Variants in GOLM1 observed in about 807,000 individuals in gnomAD.
GOLM1 encodes the protein epididymis luminal protein 46.
In GOLM1, 31 loss-of-function variants were observed where a neutral mutation model predicts 50.5. The observed-to-expected ratio is 0.61, with a 90% CI of 0.46 to 0.83. The LOEUF (loss-of-function observed/expected upper bound fraction) is 0.83. GOLM1 is among the 40% of genes least tolerant of loss of function. GOLM1 has a pLI of 0.00. For synonymous variants in GOLM1, 178 were observed against 192.8 expected (o/e 0.92, Z 0.64); for missense variants, 491 against 501.3 (o/e 0.98, Z 0.20).
chr9:86,071,106 CGT>C (rs1834436030), intron 3 of GOLM1, among the ~76,000 whole-genome samples: 2 of 146,602 alleles, frequency 1.4e-5, no homozygotes, highest in African/African-American at 5.0e-5. Context: ...CACACACACA[CGT>C]ATATTTAGAA....
At chr9:86,043,847 ATT>A (rs1394118139) in intron 5 of GOLM1, among the ~76,000 whole-genome samples, 2 of 152,150 alleles carry the variant, frequency 1.3e-5, no homozygotes, top group Admixed American at 1.3e-4. Context: ...ATCCTGACTG[ATT>A]GCCAGCTAGG....
chr9:86,066,360 C>T (rs975749621), intron 3 of GOLM1, among the ~76,000 whole-genome samples: 2 of 152,202 alleles, frequency 1.3e-5, no homozygotes, highest in African/African-American at 4.8e-5. Flanking sequence ...ACAGGTCACA[C>T]AGGCAAGCAT....
Position 86,082,075 on chromosome 9 carries a change from C to A in GOLM1, c.-21-2734G>T, listed in dbSNP as rs1432682253. On this transcript the variant is annotated intron_variant, in intron 1 of 9. Coordinates refer to ENST00000388712, the MANE Select transcript of GOLM1 (RefSeq NM_016548.4). ...ATGGAGTCTCTCTCTGTTGCCCAGGCTGGAGTGCAGTGGCGTGATCTAGGT... is the reference window on the plus strand; with the variant it reads ...ATGGAGTCTCTCTCTGTTGCCCAGGATGGAGTGCAGTGGCGTGATCTAGGT... Among the ~76,000 whole-genome samples, 16 of 123,224 alleles carry A rather than the reference C, an allele frequency of 1.3e-4. No individual in the cohort carries two copies. In the Admixed American group the frequency reaches 1.4e-3, roughly 11 times the overall value. 80.8% of individuals were successfully genotyped at this position (123,224 alleles called of 152,430 possible).
chr9:86,027,856 A>AT lies in GOLM1; in HGVS notation c.1166dup (p.Asn389LysfsTer4). The AT allele has an allele frequency of 1.2e-6, 2 of 1,611,046 alleles. No homozygotes were observed. Among genetic ancestry groups the AT allele is most frequent in the Non-Finnish European group, 1.7e-6 (2 of 1,177,274 alleles). On this transcript the variant is annotated frameshift_variant, in exon 10 of 10. Transcript: ENST00000388712. LOFTEE classifies it high-confidence loss of function. ...TCCGCTTTTCACGCTGATCAAGTAA[A>AT]TTTATGGTGTCTCTTTTCTGATCTT...
chr9:86,058,604 G>A (rs558261803), intron 3 of GOLM1, among the ~76,000 whole-genome samples: 1 of 150,896 alleles, frequency 6.6e-6, no homozygotes. Flanking sequence ...GGTGAGGCAG[G>A]GGAATCATTT....
intron 5 of GOLM1, 123 bp from the exon 6 acceptor site, chr9:86,040,991 G>A (rs1833327075): frequency 1.2e-6 from 1 of 860,666 alleles, no homozygotes. Context: ...ATCTGAAGAG[G>A]GCACTTAAGA....
chr9:86,081,690 G>A (rs1834789467), intron 1 of GOLM1, among the ~76,000 whole-genome samples: 1 of 151,686 alleles, frequency 6.6e-6, no homozygotes, highest in African/African-American at 2.4e-5. Flanking sequence ...AGGAATTTGA[G>A]ACCAGCCTGG....
chr9:86,050,228 G>A (rs1404854913), intron 4 of GOLM1, among the ~76,000 whole-genome samples: 1 of 152,206 alleles, frequency 6.6e-6, no homozygotes, highest in Non-Finnish European at 1.5e-5. Flanking sequence ...ACTTGATTGT[G>A]TTGGATAAGC....
At chr9:86,095,782 C>T (rs1033256544) in intron 1 of GOLM1, among the ~76,000 whole-genome samples, 1 of 152,172 alleles carries the variant, frequency 6.6e-6, no homozygotes, top group African/African-American at 2.4e-5. Context: ...GGGATGGAGA[C>T]TGACCTGGCA....
chr9:86,063,732 A>ACAAAAGCCAACCACAACAG (rs1834226918), intron 3 of GOLM1, among the ~76,000 whole-genome samples: 2 of 152,230 alleles, frequency 1.3e-5, no homozygotes, highest in Admixed American at 1.3e-4. Flanking sequence ...AGAGAACAAG[A>ACAAAAGCCAACCACAACAG]CAAAAGCCAA....
intron 3 of GOLM1, among the ~76,000 whole-genome samples, chr9:86,069,482 C>G (rs574849912): frequency 6.6e-6 from 1 of 152,340 alleles, no homozygotes; most frequent in South Asian, 2.1e-4. Context: ...GCAGCTCAAT[C>G]CCCAAGAACT....
chr9:86,073,617 GA>G (rs1247801304), intron 3 of GOLM1, among the ~76,000 whole-genome samples: 1 of 152,106 alleles, frequency 6.6e-6, no homozygotes, highest in Non-Finnish European at 1.5e-5. Context: ...AGAGAAGGGG[GA>G]AAGGCACCAA....
intron 4 of GOLM1, among the ~76,000 whole-genome samples, chr9:86,047,456 A>G (rs1411655609): frequency 2.0e-5 from 3 of 152,172 alleles, no homozygotes; most frequent in Non-Finnish European, 2.9e-5. Flanking sequence ...TCATCCCAAA[A>G]GCACACACGT....
chr9:86,045,394 C>T (rs552449755), intron 5 of GOLM1, among the ~76,000 whole-genome samples: 11 of 150,814 alleles, frequency 7.3e-5, no homozygotes, highest in East Asian at 2.0e-4. Context: ...AGAATATGGC[C>T]GGGCACAGTG....
rs141970031 is a variant in GOLM1, at chr9:86,046,505, G to C, written c.432C>G (p.Asn144Lys). Residue 144 changes from asparagine (N) to lysine (K), a missense_variant, in exon 5 of 10, where the codon AAC (asparagine) becomes AAG (lysine). Transcript: ENST00000388712. ...LQQDVLQFQKNQTNLERKFSY... is the reference protein window; with the variant it reads ...LQQDVLQFQKKQTNLERKFSY... ...AGAACTTCCTCTCCAGGTTGGTCTG[G>C]TTCTTCTGAAACTGGAGGACATCCT... 2 of 1,613,182 alleles carry C rather than the reference G, an allele frequency of 1.2e-6. No individual in the cohort carries two copies. Among genetic ancestry groups the C allele is most frequent in the African/African-American group, 2.7e-5 (2 of 74,904 alleles).
intron 3 of GOLM1, among the ~76,000 whole-genome samples, chr9:86,074,439 G>A (rs959279146): frequency 1.1e-4 from 17 of 152,258 alleles, no homozygotes; most frequent in Admixed American, 1.3e-4. Context: ...GAACTCCCAT[G>A]TACCCATCAC....
chr9:86,027,571 T>A lies in GOLM1; in HGVS notation c.*246A>T. On this transcript the variant is annotated 3_prime_UTR_variant, in exon 10 of 10. Transcript: ENST00000388712. ...TATGTTCCAGTTTTGGTGTTGAACT[T>A]CTCACGAAATACCTACTACCAAAAA... is the stretch of plus-strand genomic sequence containing the variant. 1 of 1,278,406 alleles carries A rather than the reference T, an allele frequency of 7.8e-7. No homozygotes were observed. The allele number at this position is 1,278,406 out of a possible 1,614,324, so 79.2% of individuals were successfully genotyped here. A position where few individuals can be genotyped will look rare whatever the true frequency, so the allele number is the denominator to read the frequency against.
chr9:86,043,904 G>A (rs1012301182), intron 5 of GOLM1, among the ~76,000 whole-genome samples: 12 of 152,294 alleles, frequency 7.9e-5, no homozygotes, highest in African/African-American at 2.9e-4. Context: ...GCCATTTATG[G>A]CTTTTTGTGT....
rs892447562 is a variant in GOLM1, at chr9:86,038,681, G to A, written c.597+2058C>T. ...GACAAAGGTGCCAAGACAATTCAGTGGGGGAAAAGCAGTCTTTCTTTCAAC... is the reference window on the plus strand; with the variant it reads ...GACAAAGGTGCCAAGACAATTCAGTAGGGGAAAAGCAGTCTTTCTTTCAAC... On this transcript the variant is annotated intron_variant, in intron 6 of 9. Transcript: ENST00000388712. Among the ~76,000 whole-genome samples, 5 of 152,182 alleles carry A rather than the reference G, an allele frequency of 3.3e-5. No individual in the cohort carries two copies. The East Asian group carries it at 5.8e-4, about 18-fold the overall frequency.
Sources: gnomAD v4.1 joint callset for allele counts (sites outside exome capture counted in the v4.1 genomes callset) on GRCh38, gnomAD v4.1.1 for gene constraint, MANE v1.5 for transcripts, NCBI Gene and HGNC (gene_info 2026-07-23, HGNC 2026-07-21) for gene names.